Variants in CDH12 observed in about 807,000 individuals in gnomAD.
CDH12 encodes cadherin-12.
In CDH12, 41 loss-of-function variants were observed where a neutral mutation model predicts 74.1. The ratio of observed to expected loss-of-function variants is 0.55; its 90% confidence interval spans 0.43 to 0.72. The LOEUF is 0.72. Among genes scored for constraint, CDH12 ranks in the 30% least tolerant of loss-of-function variants. The probability of loss-of-function intolerance (pLI) is 0.00; values close to 1 mark genes in which losing one functional copy is unlikely to be tolerated. For missense variants in CDH12, 945 were observed against 977.2 expected (o/e 0.97, Z 0.44); for synonymous variants, 399 against 355.0 (o/e 1.12, Z -1.39).
At chr5:22,796,867 A>C (rs972398340) in intron 1 of CDH12, among the ~76,000 whole-genome samples, 2 of 152,114 alleles carry the variant, frequency 1.3e-5, no homozygotes, top group African/African-American at 4.8e-5. Context: ...ATTTAATCTC[A>C]CATAAAATAG....
intron 2 of CDH12, among the ~76,000 whole-genome samples, chr5:22,430,383 T>TA (rs1253559182): frequency 6.6e-6 from 1 of 150,560 alleles, no homozygotes; most frequent in Non-Finnish European, 1.5e-5. Flanking sequence ...ATAGTACCCA[T>TA]AAAACAGAGT....
At chr5:22,502,304 G>T (rs1225975533) in intron 2 of CDH12, among the ~76,000 whole-genome samples, 1 of 151,916 alleles carries the variant, frequency 6.6e-6, no homozygotes, top group Non-Finnish European at 1.5e-5. Flanking sequence ...ATACTCTCTT[G>T]CCTGCTGCCA....
chr5:22,091,288 TGTGA>T (rs1743417096), intron 4 of CDH12, among the ~76,000 whole-genome samples: 1 of 149,180 alleles, frequency 6.7e-6, no homozygotes, highest in African/African-American at 2.5e-5. Flanking sequence ...TGTGTGTGTG[TGTGA>T]GAGAGAAAGA....
At chr5:22,746,577 T>A (rs892369099) in intron 1 of CDH12, among the ~76,000 whole-genome samples, 1 of 152,138 alleles carries the variant, frequency 6.6e-6, no homozygotes, top group Non-Finnish European at 1.5e-5. Context: ...TGCAAATATA[T>A]GTATTTCTGA....
chr5:21,913,376 T>C (rs975864428), intron 6 of CDH12, among the ~76,000 whole-genome samples: 1 of 152,168 alleles, frequency 6.6e-6, no homozygotes, highest in Non-Finnish European at 1.5e-5. Flanking sequence ...ATTTCTTTCT[T>C]GTGATCATTT....
chr5:22,254,867 T>C (rs974293128), intron 3 of CDH12, among the ~76,000 whole-genome samples: 3 of 151,798 alleles, frequency 2.0e-5, no homozygotes, highest in African/African-American at 7.2e-5. Flanking sequence ...ACCTCAAGCG[T>C]TTATCATTTA....
chr5:22,590,932 T>C (rs1436749640), intron 1 of CDH12, among the ~76,000 whole-genome samples: 1 of 152,110 alleles, frequency 6.6e-6, no homozygotes, highest in Non-Finnish European at 1.5e-5. Context: ...GTCCTGAAGA[T>C]AGTTGTAAAA....
rs370175545 is a variant in CDH12 at position 21,918,667 on chromosome 5, A to G, written c.526+56424T>C. 3.9e-5 allele frequency among the ~76,000 whole-genome samples: 6 copies of G among 152,150 alleles called. No individual in the cohort carries two copies. In the East Asian group the frequency reaches 1.2e-3, roughly 30 times the overall value. On this transcript the variant is annotated intron_variant, in intron 6 of 14. Transcript: ENST00000382254. ...TTATCACAAGAACAGCATGGGGTAA[A>G]CTTCCCCCATGATTCAATTACCTCC...
chr5:22,070,820 C>T (rs1391629154), intron 5 of CDH12, among the ~76,000 whole-genome samples: 1 of 152,230 alleles, frequency 6.6e-6, no homozygotes, highest in East Asian at 1.9e-4. Context: ...AGATCATGTC[C>T]TTTGCAGGGA....
chr5:22,559,089 A>G (rs1008615386), intron 1 of CDH12, among the ~76,000 whole-genome samples: 2 of 152,062 alleles, frequency 1.3e-5, no homozygotes, highest in African/African-American at 4.8e-5. Context: ...GAAGTCCTGG[A>G]TGCTAGAAAA....
At position 22,773,006 on chromosome 5, in the gene CDH12, G is replaced by T. The variant is rs149535467; in HGVS notation, c.-523+80052C>A. The stretch of plus-strand genomic sequence containing the variant: ...AACACTGTTGAAAGTAATCATGGAT[G>T]ACACAAACAAATAGAAAATACTCTA... On this transcript the variant is annotated intron_variant, in intron 1 of 14. Transcript: ENST00000382254. Among the ~76,000 whole-genome samples the T allele has an allele frequency of 2.6e-3, 399 of 152,066 alleles. 1 individual carries two copies. The highest frequency in any genetic ancestry group is 9.3e-3 in the African/African-American group (386 of 41,526).
intron 1 of CDH12, among the ~76,000 whole-genome samples, chr5:22,540,497 T>G (rs1372472294): frequency 6.6e-6 from 1 of 152,168 alleles, no homozygotes; most frequent in Non-Finnish European, 1.5e-5. Context: ...TATAATGAAC[T>G]TCTTCTAAAG....
At chr5:21,856,891 G>A (rs1750781344) in intron 6 of CDH12, among the ~76,000 whole-genome samples, 1 of 151,830 alleles carries the variant, frequency 6.6e-6, no homozygotes, top group Non-Finnish European at 1.5e-5. Flanking sequence ...CTGAATTACA[G>A]TATAGGTTAA....
intron 3 of CDH12, among the ~76,000 whole-genome samples, chr5:22,400,055 C>G (rs1742649944): frequency 6.6e-6 from 1 of 152,138 alleles, no homozygotes; most frequent in African/African-American, 2.4e-5. Flanking sequence ...AACCAGAGAG[C>G]TTCTTTTCAA....
At chr5:22,286,416 C>A (rs992164493) in intron 3 of CDH12, among the ~76,000 whole-genome samples, 1 of 152,118 alleles carries the variant, frequency 6.6e-6, no homozygotes, top group Non-Finnish European at 1.5e-5. Flanking sequence ...TATAGCACTT[C>A]AACTACATAA....
chr5:22,707,673 C>T (rs756842179), intron 1 of CDH12, among the ~76,000 whole-genome samples: 6 of 152,098 alleles, frequency 3.9e-5, no homozygotes, highest in African/African-American at 9.7e-5. Flanking sequence ...TCCATTAAGA[C>T]ATATGGAATA....
chr5:22,284,655 T>C (rs903167644), intron 3 of CDH12, among the ~76,000 whole-genome samples: 1 of 152,122 alleles, frequency 6.6e-6, no homozygotes, highest in Non-Finnish European at 1.5e-5. Flanking sequence ...TTCCAAAAGT[T>C]TTGTCATATT....
chr5:22,512,993 C>T (rs913048701), intron 1 of CDH12, among the ~76,000 whole-genome samples: 1 of 152,182 alleles, frequency 6.6e-6, no homozygotes, highest in African/African-American at 2.4e-5. Context: ...GCCGAGATCC[C>T]GCCACTGCAG....
At chr5:22,226,359 T>A (rs1752195228) in intron 3 of CDH12, among the ~76,000 whole-genome samples, 1 of 151,922 alleles carries the variant, frequency 6.6e-6, no homozygotes, top group South Asian at 2.1e-4. Context: ...ATAAAAACAG[T>A]GTTTTCTCTA....
Sources: allele counts gnomAD v4.1 joint callset (sites outside exome capture counted in the v4.1 genomes callset), GRCh38; gene constraint gnomAD v4.1.1; transcripts MANE v1.5; gene names NCBI Gene and HGNC (gene_info 2026-07-23, HGNC 2026-07-21).